SLC4A10: variants seen among roughly 807,000 people sequenced by gnomAD.
SLC4A10 encodes sodium-driven chloride bicarbonate exchanger.
In SLC4A10, 42 loss-of-function variants were observed where a neutral mutation model predicts 137.7. The observed-to-expected ratio is 0.30, with a 90% CI of 0.24 to 0.39. The LOEUF (loss-of-function observed/expected upper bound fraction) is 0.39. Among genes scored for constraint, SLC4A10 ranks in the 10% least tolerant of loss-of-function variants. The probability of loss-of-function intolerance (pLI) is 1.00; values close to 1 mark genes in which losing one functional copy is unlikely to be tolerated. For missense variants in SLC4A10, 925 were observed against 1,355.0 expected (o/e 0.68, Z 4.98); for synonymous variants, 474 against 464.1 (o/e 1.02, Z -0.27).
chr2:161,825,784 A>G (rs2125710505), intron 3 of SLC4A10, among the ~76,000 whole-genome samples: 1 of 152,298 alleles, frequency 6.6e-6, no homozygotes, highest in Middle Eastern at 3.4e-3. Flanking sequence ...TTTTAAGGAG[A>G]ATAAGTAAAT....
chr2:161,783,839 G>T (rs2053327393), intron 2 of SLC4A10, among the ~76,000 whole-genome samples: 1 of 151,476 alleles, frequency 6.6e-6, no homozygotes, highest in African/African-American at 2.4e-5. Context: ...AGGAAAAAAT[G>T]CACAAAATAA....
At chr2:161,949,608 A>T (rs1694431033) in intron 18 of SLC4A10, among the ~76,000 whole-genome samples, 1 of 152,094 alleles carries the variant, frequency 6.6e-6, no homozygotes, top group South Asian at 2.1e-4. Flanking sequence ...AGGCTTGGAA[A>T]ACAGATAAAA....
At chr2:161,795,460 C>T (rs1474170329) in intron 2 of SLC4A10, among the ~76,000 whole-genome samples, 1 of 152,036 alleles carries the variant, frequency 6.6e-6, no homozygotes, top group South Asian at 2.1e-4. Flanking sequence ...TTGGAATATA[C>T]ACCCATGAAA....
At chr2:161,860,963 T>C (rs1238897742) in intron 5 of SLC4A10, among the ~76,000 whole-genome samples, 1 of 152,212 alleles carries the variant, frequency 6.6e-6, no homozygotes, top group East Asian at 1.9e-4. Context: ...TATATGAAAT[T>C]CAAGTTTCAG....
intron 4 of SLC4A10, among the ~76,000 whole-genome samples, chr2:161,841,685 G>A (rs767107521): frequency 2.6e-5 from 4 of 151,970 alleles, no homozygotes; most frequent in Non-Finnish European, 5.9e-5. Context: ...CACTAAAAAC[G>A]AGACAACCAA....
Position 161,932,471 on chromosome 2 carries a change from A to G in SLC4A10, c.1998-10321A>G, listed in dbSNP as rs1191617221. 2.6e-5 allele frequency among the ~76,000 whole-genome samples: 4 copies of G among 152,310 alleles called. No homozygotes were observed. The East Asian group carries it at 5.8e-4, about 22-fold the overall frequency. On this transcript the variant is annotated intron_variant, in intron 15 of 26. Transcript: ENST00000446997. ...TTAAAATAAGCACTCATCTCATTTC[A>G]GACTATGGACATGCTACTGAGCTTT...
At chr2:161,974,549 T>A (rs1699082256) in intron 24 of SLC4A10, among the ~76,000 whole-genome samples, 1 of 152,190 alleles carries the variant, frequency 6.6e-6, no homozygotes, top group South Asian at 2.1e-4. Context: ...TGTCTGAAGT[T>A]TTTCTTGCTC....
intron 1 of SLC4A10, among the ~76,000 whole-genome samples, chr2:161,739,406 C>T (rs1349684578): frequency 6.6e-6 from 1 of 152,162 alleles, no homozygotes; most frequent in Non-Finnish European, 1.5e-5. Context: ...TATCAAACTA[C>T]TACTCTAGGA....
Position 161,872,364 on chromosome 2 carries a change from A to G in SLC4A10, c.838A>G (p.Ser280Gly). 2 of 1,613,624 alleles carry G rather than the reference A, an allele frequency of 1.2e-6. No homozygotes were observed. The highest frequency in any genetic ancestry group is 1.7e-6 in the Non-Finnish European group (2 of 1,179,694). ...TAAAAATGATGTTAGCAGAGAAAACAGCACTGTTGACTTTAGCAAGGTGAG... is the reference window on the plus strand; with the variant it reads ...TAAAAATGATGTTAGCAGAGAAAACGGCACTGTTGACTTTAGCAAGGTGAG... Reference protein sequence around the residue: ...ENKNDVSRENSTVDFSKGLGG... With the variant: ...ENKNDVSRENGTVDFSKGLGG... Residue 280 changes from serine to glycine, a missense_variant, in exon 7 of 27, where the codon AGC becomes GGC. By Grantham distance (56) the Ser-to-Gly change is moderately conservative. Transcript: ENST00000446997.
chr2:161,649,583 A>C (rs2036519825), intron 1 of SLC4A10, among the ~76,000 whole-genome samples: 1 of 151,608 alleles, frequency 6.6e-6, no homozygotes, highest in Admixed American at 6.6e-5. Flanking sequence ...TTCAAATCTC[A>C]TTTTCTAGGT....
chr2:161,735,535 T>G (rs1428983267), intron 1 of SLC4A10, among the ~76,000 whole-genome samples: 1 of 152,180 alleles, frequency 6.6e-6, no homozygotes, highest in Non-Finnish European at 1.5e-5. Flanking sequence ...CCCTTCCTAA[T>G]GCCTTCCCCA....
chr2:161,903,472 TTTTG>T (rs983632487), intron 12 of SLC4A10, among the ~76,000 whole-genome samples: 8 of 152,214 alleles, frequency 5.3e-5, no homozygotes, highest in African/African-American at 1.2e-4. Context: ...GGTGAGGGAT[TTTTG>T]TTTGTTTGTT....
intron 3 of SLC4A10, among the ~76,000 whole-genome samples, chr2:161,817,197 T>C (rs990240703): frequency 1.3e-5 from 2 of 152,220 alleles, no homozygotes; most frequent in African/African-American, 4.8e-5. Flanking sequence ...TGGTATCTCA[T>C]TGTGGTTTTG....
intron 3 of SLC4A10, among the ~76,000 whole-genome samples, chr2:161,832,826 C>T (rs1022430853): frequency 1.3e-5 from 2 of 152,114 alleles, no homozygotes; most frequent in African/African-American, 4.8e-5. Flanking sequence ...CTGCAAGCTC[C>T]GCCTCCCGGG....
At chr2:161,724,848 GT>G (rs1197528701) in intron 1 of SLC4A10, among the ~76,000 whole-genome samples, 1 of 152,000 alleles carries the variant, frequency 6.6e-6, no homozygotes, top group East Asian at 1.9e-4. Flanking sequence ...CTAATTCTTA[GT>G]TGTTTTCTTC....
Position 161,984,020 on chromosome 2 carries a change from A to C in SLC4A10, c.*868A>C, listed in dbSNP as rs1168862373. On this transcript the variant is annotated 3_prime_UTR_variant, in exon 27 of 27. Coordinates refer to ENST00000446997, the MANE Select transcript of SLC4A10 (RefSeq NM_001178015.2). ...CTCCCACTGACAACAGATGTTTTCC[A>C]AATAAACATATTCTATACATACTTG... The C allele has an allele frequency of 1.3e-5, 2 of 152,232 alleles. No individual in the cohort carries two copies. The allele number at this position is 152,232 out of a possible 1,614,324, so 9.4% of individuals were successfully genotyped here. A position where few individuals can be genotyped will look rare whatever the true frequency, so the allele number is the denominator to read the frequency against.
intron 24 of SLC4A10, among the ~76,000 whole-genome samples, chr2:161,975,102 G>C (rs1377328647): frequency 6.6e-6 from 1 of 152,080 alleles, no homozygotes; most frequent in Non-Finnish European, 1.5e-5. Context: ...GAATTTTCTA[G>C]ATCTTTAGGG....
At chr2:161,901,990 A>G (rs1478763564) in intron 12 of SLC4A10, 3 of 453,058 alleles carry the variant, frequency 6.6e-6, no homozygotes, top group African/African-American at 2.0e-5. Context: ...ATTTTTTTCG[A>G]AGTTCACTTT....
chr2:161,637,173 A>T (rs1298300289), intron 1 of SLC4A10, among the ~76,000 whole-genome samples: 1 of 149,392 alleles, frequency 6.7e-6, no homozygotes, highest in African/African-American at 2.5e-5. Flanking sequence ...ATATATACAT[A>T]TATACATATA....
Sources: allele counts gnomAD v4.1 joint callset (sites outside exome capture counted in the v4.1 genomes callset), GRCh38; gene constraint gnomAD v4.1.1; transcripts MANE v1.5; gene names NCBI Gene and HGNC (gene_info 2026-07-23, HGNC 2026-07-21).